Variants in DCC observed in about 807,000 individuals in gnomAD.
DCC encodes netrin receptor DCC.
A neutral mutation model predicts 172.5 loss-of-function variants in DCC; 58 were observed. The observed-to-expected ratio is 0.34, with a 90% CI of 0.27 to 0.42. The LOEUF (loss-of-function observed/expected upper bound fraction) is 0.42. Ranked by LOEUF, DCC falls within the 10% of genes least tolerant of loss-of-function variation. The pLI, the probability that DCC is intolerant of heterozygous loss-of-function variation, is 1.00. For missense variants in DCC, 1,740 were observed against 1,791.0 expected, an observed-to-expected ratio of 0.97 and a Z score of 0.51; for synonymous variants, 709 against 644.5, an observed-to-expected ratio of 1.10 and a Z score of -1.52.
chr18:53,101,832 TGTGTGTGTGC>T (rs1260010694), intron 7 of DCC, among the ~76,000 whole-genome samples: 5 of 40,444 alleles, frequency 1.2e-4, no homozygotes, highest in African/African-American at 5.3e-4. Context: ...TGTGTATTTG[TGTGTGTGTGC>T]GTGTGCGTGT....
At chr18:53,426,876 C>T (rs541538631) in intron 21 of DCC, among the ~76,000 whole-genome samples, 1 of 152,232 alleles carries the variant, frequency 6.6e-6, no homozygotes, top group African/African-American at 2.4e-5. Context: ...ACTAGCAGGG[C>T]ACCAGCAGGG....
chr18:53,105,500 A>C (rs2043232074), intron 7 of DCC, among the ~76,000 whole-genome samples: 1 of 151,934 alleles, frequency 6.6e-6, no homozygotes, highest in Non-Finnish European at 1.5e-5. Flanking sequence ...GTGTATTTTT[A>C]TTTATTTGTA....
At chr18:53,457,931 A>C (rs568020104) in intron 23 of DCC, among the ~76,000 whole-genome samples, 1 of 152,200 alleles carries the variant, frequency 6.6e-6, no homozygotes, top group South Asian at 2.1e-4. Flanking sequence ...AAATTCAACA[A>C]ATTACACCAC....
At chr18:52,602,516 A>C (rs1260324588) in intron 1 of DCC, among the ~76,000 whole-genome samples, 1 of 151,992 alleles carries the variant, frequency 6.6e-6, no homozygotes, top group Non-Finnish European at 1.5e-5. Context: ...CAGTATACAC[A>C]TTCTACCCGT....
At chr18:52,443,814 T>C (rs919633160) in intron 1 of DCC, among the ~76,000 whole-genome samples, 2 of 152,142 alleles carry the variant, frequency 1.3e-5, no homozygotes, top group Non-Finnish European at 2.9e-5. Context: ...ATGGGTGAAG[T>C]CATCCCATTT....
At chr18:52,867,504 G>A (rs959052822) in intron 2 of DCC, among the ~76,000 whole-genome samples, 1 of 151,424 alleles carries the variant, frequency 6.6e-6, no homozygotes, top group African/African-American at 2.4e-5. Flanking sequence ...GAATCCTCCT[G>A]GTCTTGGGTT....
At chr18:52,644,157 A>G (rs1305886193) in intron 1 of DCC, among the ~76,000 whole-genome samples, 3 of 152,198 alleles carry the variant, frequency 2.0e-5, no homozygotes, top group African/African-American at 7.2e-5. Flanking sequence ...GGTATGGGGA[A>G]AATGTGTTAT....
At chr18:52,682,731 A>ACAG (rs2035769662) in intron 1 of DCC, among the ~76,000 whole-genome samples, 1 of 151,490 alleles carries the variant, frequency 6.6e-6, no homozygotes, top group Admixed American at 6.6e-5. Context: ...AAGAAAACAA[A>ACAG]ACAGACAGAG....
At chr18:52,837,326 A>G (rs184133880) in intron 2 of DCC, among the ~76,000 whole-genome samples, 217 of 152,306 alleles carry the variant, frequency 1.4e-3, no homozygotes, top group African/African-American at 4.8e-3. Flanking sequence ...CTCCCCAGAA[A>G]ATGGGTTGTT....
chr18:53,368,445 CAG>C (rs968713747), intron 15 of DCC, among the ~76,000 whole-genome samples: 19 of 148,996 alleles, frequency 1.3e-4, no homozygotes, highest in African/African-American at 4.7e-4. Context: ...TTTATGAAGT[CAG>C]AGGCAAATTG....
At chr18:53,345,802 C>G (rs540307641) in intron 15 of DCC, among the ~76,000 whole-genome samples, 117 of 149,752 alleles carry the variant, frequency 7.8e-4, no homozygotes, top group African/African-American at 2.7e-3. Context: ...GTTGTTGTCT[C>G]TCTGTATTCT....
intron 1 of DCC, among the ~76,000 whole-genome samples, chr18:52,357,073 C>A (rs1984400506): frequency 6.6e-6 from 1 of 152,214 alleles, no homozygotes; most frequent in Non-Finnish European, 1.5e-5. Flanking sequence ...GCATAAGCCA[C>A]TGCTTCCAAA....
At chr18:53,144,859 T>C (rs2043882116) in intron 7 of DCC, among the ~76,000 whole-genome samples, 1 of 152,112 alleles carries the variant, frequency 6.6e-6, no homozygotes, top group African/African-American at 2.4e-5. Context: ...AGGGAAGTTT[T>C]TACAATGTTT....
intron 24 of DCC, among the ~76,000 whole-genome samples, chr18:53,462,986 A>T (rs1322823488): frequency 6.6e-6 from 1 of 152,242 alleles, no homozygotes; most frequent in African/African-American, 2.4e-5. Context: ...CTGCTTAGAT[A>T]GACTCGGGGT....
intron 1 of DCC, among the ~76,000 whole-genome samples, chr18:52,667,027 T>C (rs1235210981): frequency 1.3e-5 from 2 of 152,124 alleles, no homozygotes; most frequent in Admixed American, 1.3e-4. Context: ...TGCCAGAAGG[T>C]ACAATCTGTG....
chr18:52,382,549 T>A (rs539346695), intron 1 of DCC, among the ~76,000 whole-genome samples: 143 of 152,260 alleles, frequency 9.4e-4, no homozygotes, highest in African/African-American at 3.3e-3. Context: ...TGTGGACTAT[T>A]GCAAGTATTT....
At chr18:53,510,611 C>T (rs2046239381) in intron 27 of DCC, among the ~76,000 whole-genome samples, 1 of 152,182 alleles carries the variant, frequency 6.6e-6, no homozygotes, top group African/African-American at 2.4e-5. Flanking sequence ...TTGCATTATT[C>T]AAACTAAAGA....
intron 2 of DCC, among the ~76,000 whole-genome samples, chr18:52,850,504 T>C (rs2038958451): frequency 1.3e-5 from 2 of 152,138 alleles, no homozygotes; most frequent in African/African-American, 4.8e-5. Flanking sequence ...AGTTCTGCTT[T>C]ATTATGTAAT....
intron 2 of DCC, among the ~76,000 whole-genome samples, chr18:52,796,539 G>A (rs1192033654): frequency 6.6e-6 from 1 of 152,060 alleles, no homozygotes; most frequent in South Asian, 2.1e-4. Flanking sequence ...TTGCTTGTCT[G>A]GGAAAGACTT....
Sources: allele counts gnomAD v4.1 joint callset (sites outside exome capture counted in the v4.1 genomes callset), GRCh38; gene constraint gnomAD v4.1.1; transcripts MANE v1.5; gene names NCBI Gene and HGNC (gene_info 2026-07-23, HGNC 2026-07-21).